SPECC1: variants seen among roughly 807,000 people sequenced by gnomAD.
SPECC1 encodes sperm antigen with calponin homology and coiled-coil domains 1.
Under a neutral mutation model 104.1 loss-of-function variants are expected in SPECC1, and 62 were observed. The observed-to-expected ratio is 0.60, with a 90% CI of 0.49 to 0.74. SPECC1 has a LOEUF of 0.74. SPECC1 is among the 30% of genes least tolerant of loss of function. SPECC1 has a pLI of 0.00. For synonymous variants in SPECC1, 513 were observed against 501.6 expected (o/e 1.02, Z -0.30); for missense variants, 1,306 against 1,310.5 (o/e 1.00, Z 0.05).
chr17:20,165,140 G>A (rs979214771), intron 3 of SPECC1, among the ~76,000 whole-genome samples: 15 of 152,180 alleles, frequency 9.9e-5, no homozygotes, highest in African/African-American at 2.9e-4. Flanking sequence ...AGATCAACCC[G>A]TCACCTAGGT....
intron 1 of SPECC1, among the ~76,000 whole-genome samples, chr17:20,094,302 C>T (rs1171419097): frequency 1.3e-5 from 2 of 152,126 alleles, no homozygotes; most frequent in Admixed American, 6.5e-5. Flanking sequence ...TGCCTCAGAG[C>T]GGGCCACCTG....
intron 3 of SPECC1, among the ~76,000 whole-genome samples, chr17:20,177,590 T>C (rs2034556092): frequency 6.6e-6 from 1 of 152,246 alleles, no homozygotes; most frequent in Admixed American, 6.5e-5. Context: ...CATATCAACA[T>C]TTCTTCATGT....
At chr17:20,129,255 G>A (rs183563727) in intron 3 of SPECC1, among the ~76,000 whole-genome samples, 62 of 151,800 alleles carry the variant, frequency 4.1e-4, no homozygotes, top group African/African-American at 1.2e-3. Flanking sequence ...CACCATCTCG[G>A]CTCACTGCAA....
chr17:20,220,557 A>C lies in SPECC1; in HGVS notation c.1864-6856A>C, dbSNP rs912612923. ...TTCACTGAATTTATCAGTTCTTAAT[A>C]GTTTTTTTTTTTTTTTTTTTTGTGG... On this transcript the variant is annotated intron_variant, in intron 4 of 14. Transcript: ENST00000395527. Among the ~76,000 whole-genome samples the C allele has an allele frequency of 1.8e-4, 18 of 98,146 alleles. No homozygotes were observed. In the South Asian group the frequency reaches 7.3e-3, roughly 40 times the overall value. 64.4% of individuals were successfully genotyped at this position (98,146 alleles called of 152,430 possible). A position where few individuals can be genotyped will look rare whatever the true frequency, so the allele number is the denominator to read the frequency against.
chr17:20,084,161 G>C (rs2047088516), intron 1 of SPECC1, among the ~76,000 whole-genome samples: 1 of 152,168 alleles, frequency 6.6e-6, no homozygotes, highest in African/African-American at 2.4e-5. Flanking sequence ...TGGGCACTGT[G>C]ACTCACGCCT....
chr17:20,309,459 A>G (rs1279642809), intron 14 of SPECC1, among the ~76,000 whole-genome samples: 2 of 152,210 alleles, frequency 1.3e-5, no homozygotes, highest in African/African-American at 2.4e-5. Flanking sequence ...ACATGGGTAC[A>G]CTGGATGATG....
Position 20,163,632 on chromosome 17 carries a change from C to T in SPECC1, c.284-40701C>T, listed in dbSNP as rs139572435. ...CTGGAGTGCAGTGGCAGGGTCAGAG[C>T]TTACTGCAGCCTTGACCTCCTGGGT... On this transcript the variant is annotated intron_variant, in intron 3 of 14. Transcript: ENST00000395527. Among the ~76,000 whole-genome samples, 945 of 151,338 alleles carry T rather than the reference C, an allele frequency of 6.2e-3. 10 individuals are homozygous for T. Among genetic ancestry groups the T allele is most frequent in the African/African-American group, 0.022 (898 of 41,122 alleles).
intron 3 of SPECC1, among the ~76,000 whole-genome samples, chr17:20,114,619 G>A (rs1051032058): frequency 6.6e-6 from 1 of 151,824 alleles, no homozygotes; most frequent in African/African-American, 2.4e-5. Flanking sequence ...TCTACCCCAA[G>A]AGCAGGGATG....
At chr17:20,208,222 C>G (rs1434799625) in intron 4 of SPECC1, among the ~76,000 whole-genome samples, 1 of 152,124 alleles carries the variant, frequency 6.6e-6, no homozygotes, top group South Asian at 2.1e-4. Flanking sequence ...GGGAAAGGTC[C>G]TAGCTAGTAT....
intron 1 of SPECC1, among the ~76,000 whole-genome samples, chr17:20,089,023 G>GT (rs1472057447): frequency 6.6e-6 from 1 of 152,182 alleles, no homozygotes; most frequent in East Asian, 1.9e-4. Flanking sequence ...CTCCAAAACT[G>GT]TAAGCAATGA....
chr17:20,081,700 T>TGC (rs1370095083), intron 1 of SPECC1, among the ~76,000 whole-genome samples: 1 of 152,104 alleles, frequency 6.6e-6, no homozygotes, highest in African/African-American at 2.4e-5. Context: ...GTCCGGAATG[T>TGC]AGAGCCCACG....
intron 3 of SPECC1, among the ~76,000 whole-genome samples, chr17:20,188,087 T>C (rs2035399620): frequency 6.6e-6 from 1 of 152,172 alleles, no homozygotes; most frequent in East Asian, 1.9e-4. Flanking sequence ...GTGGGTTTCC[T>C]TTTACTGAAA....
chr17:20,311,921 T>C (rs2142235026), intron 14 of SPECC1, among the ~76,000 whole-genome samples: 1 of 152,340 alleles, frequency 6.6e-6, no homozygotes, highest in African/African-American at 2.4e-5. Context: ...GATCATATGG[T>C]TTTTCTTGTT....
At chr17:20,155,798 G>A (rs2032416231) in intron 3 of SPECC1, 5 of 485,846 alleles carry the variant, frequency 1.0e-5, no homozygotes, top group Middle Eastern at 8.9e-4. Flanking sequence ...ATCCGCGGGC[G>A]GAGGCCTGCA....
intron 3 of SPECC1, among the ~76,000 whole-genome samples, chr17:20,151,510 T>C (rs888625123): frequency 2.6e-5 from 4 of 152,206 alleles, no homozygotes; most frequent in African/African-American, 7.2e-5. Context: ...ACACTGTTGC[T>C]TTTTTTATAG....
chr17:20,192,980 G>A (rs2035770845), intron 3 of SPECC1, among the ~76,000 whole-genome samples: 1 of 152,188 alleles, frequency 6.6e-6, no homozygotes, highest in African/African-American at 2.4e-5. Flanking sequence ...AGTTTAGTAA[G>A]AAAGTAAAGG....
intron 1 of SPECC1, among the ~76,000 whole-genome samples, chr17:20,048,003 C>T (rs367722768): frequency 3.9e-4 from 60 of 152,222 alleles, no homozygotes; most frequent in African/African-American, 1.4e-3. Flanking sequence ...TGCTTTTCTC[C>T]ATTGGTGTCC....
chr17:20,125,596 G>A (rs769461624), intron 3 of SPECC1, among the ~76,000 whole-genome samples: 2 of 152,220 alleles, frequency 1.3e-5, no homozygotes, highest in Non-Finnish European at 2.9e-5. Flanking sequence ...TTGACTGTTT[G>A]AGATTCTGCA....
chr17:20,089,207 G>A (rs986468470), intron 1 of SPECC1, among the ~76,000 whole-genome samples: 2 of 152,148 alleles, frequency 1.3e-5, no homozygotes, highest in Non-Finnish European at 2.9e-5. Flanking sequence ...CCTTGTTGCT[G>A]AACTATAAAA....
Sources: allele counts gnomAD v4.1 joint callset (sites outside exome capture counted in the v4.1 genomes callset), GRCh38; gene constraint gnomAD v4.1.1; transcripts MANE v1.5; gene names NCBI Gene and HGNC (gene_info 2026-07-23, HGNC 2026-07-21).